The following ADGRV1 variants were observed in gnomAD, a reference collection of about 807,000 sequenced individuals.
The protein encoded by ADGRV1 is adhesion G protein-coupled receptor V1.
ADGRV1 carries 359 observed loss-of-function variants against 596.2 expected under a neutral mutation model. The observed-to-expected ratio is 0.60, with a 90% confidence interval of 0.55 to 0.66. ADGRV1 has a LOEUF of 0.66. Ranked by LOEUF, ADGRV1 falls within the 30% of genes least tolerant of loss-of-function variation. The pLI is 0.00. For missense variants in ADGRV1, 7,274 were observed against 7,575.6 expected (o/e 0.96, Z 1.48); for synonymous variants, 2,681 against 2,679.2 (o/e 1.00, Z -0.02).
At chr5:90,909,757 GCAAGATGATC>G (rs545905925) in intron 83 of ADGRV1, among the ~76,000 whole-genome samples, 19 of 152,216 alleles carry the variant, frequency 1.2e-4, no homozygotes, top group Non-Finnish European at 2.5e-4. Context: ...TCAAAAGTAG[GCAAGATGATC>G]CATGGGGTAT....
At chr5:90,595,160 G>A (rs1366208932) in intron 1 of ADGRV1, among the ~76,000 whole-genome samples, 1 of 106,266 alleles carries the variant, frequency 9.4e-6, no homozygotes, top group African/African-American at 4.2e-5. Context: ...GCCGGGTGGG[G>A]GGCTGACCCC....
intron 87 of ADGRV1, among the ~76,000 whole-genome samples, chr5:91,130,487 A>C (rs887990535): frequency 7.6e-6 from 1 of 131,132 alleles, no homozygotes; most frequent in Non-Finnish European, 1.5e-5. Flanking sequence ...GTGCCATTGC[A>C]CTCCAGCCTG....
intron 86 of ADGRV1, among the ~76,000 whole-genome samples, chr5:91,090,907 G>C (rs188388052): frequency 6.6e-6 from 1 of 152,074 alleles, no homozygotes; most frequent in East Asian, 1.9e-4. Flanking sequence ...GGATGGGATA[G>C]GATAGGATAG....
chr5:91,150,284 T>G, intron 88 of ADGRV1, 63 bp downstream of exon 88: 2 of 1,254,684 alleles, frequency 1.6e-6, no homozygotes, highest in Non-Finnish European at 1.1e-6. Context: ...TCTCTCTGTC[T>G]GTCTCTCTCT....
At chr5:90,606,225 T>C (rs1762094497) in intron 1 of ADGRV1, among the ~76,000 whole-genome samples, 2 of 152,240 alleles carry the variant, frequency 1.3e-5, no homozygotes, top group Admixed American at 6.5e-5. Flanking sequence ...TGTCTGAATC[T>C]GACAAAACTA....
chr5:90,993,732 C>T (rs998539500), intron 85 of ADGRV1, among the ~76,000 whole-genome samples: 3 of 151,656 alleles, frequency 2.0e-5, no homozygotes, highest in African/African-American at 7.3e-5. Context: ...GTGGGTCTCT[C>T]GGAGTGGAGT....
intron 85 of ADGRV1, among the ~76,000 whole-genome samples, chr5:91,002,227 T>C (rs1781909823): frequency 6.6e-6 from 1 of 152,216 alleles, no homozygotes; most frequent in African/African-American, 2.4e-5. Flanking sequence ...AATTTTTCAA[T>C]CTTACACAGT....
intron 1 of ADGRV1, 118 bp downstream of exon 1, chr5:90,559,035 C>G (rs1754445862): frequency 3.3e-6 from 3 of 899,458 alleles, no homozygotes; most frequent in Non-Finnish European, 4.7e-6. Context: ...CGGGCCACAG[C>G]CGGGCCCAGG....
chr5:90,613,762 C>T (rs1762999572), intron 1 of ADGRV1, among the ~76,000 whole-genome samples: 1 of 152,094 alleles, frequency 6.6e-6, no homozygotes, highest in Non-Finnish European at 1.5e-5. Flanking sequence ...GAACATTGCA[C>T]TTAAATCCTA....
At chr5:90,881,992 A>G (rs1256861842) in intron 83 of ADGRV1, among the ~76,000 whole-genome samples, 2 of 152,178 alleles carry the variant, frequency 1.3e-5, no homozygotes, top group African/African-American at 4.8e-5. Flanking sequence ...TTACAGGTGT[A>G]AGCCACTGCA....
At chr5:90,948,925 C>A (rs868615484) in intron 83 of ADGRV1, among the ~76,000 whole-genome samples, 1 of 151,840 alleles carries the variant, frequency 6.6e-6, no homozygotes, top group African/African-American at 2.4e-5. Context: ...TCGGGGCCGT[C>A]TGTGTATAAA....
At chr5:90,934,933 T>G (rs568532991) in intron 83 of ADGRV1, among the ~76,000 whole-genome samples, 6 of 152,170 alleles carry the variant, frequency 3.9e-5, no homozygotes, top group Non-Finnish European at 8.8e-5. Context: ...ACTAATCCCA[T>G]GATGAGGGCC....
chr5:90,652,299 T>G (rs1438249613), intron 18 of ADGRV1, 47 bp from the exon 19 acceptor site: 2 of 1,309,810 alleles, frequency 1.5e-6, no homozygotes, highest in Non-Finnish European at 2.1e-6. Flanking sequence ...AAGCTCTCAT[T>G]AGAGTAAGAT....
In ADGRV1 at chr5:90,711,220, G is replaced by A. The variant is rs1230815709; in HGVS notation, c.8940G>A (p.Leu2980=). Residue 2980 remains leucine, a synonymous_variant, in exon 41 of 90, where the codon TTG becomes TTA. Transcript: ENST00000405460. The part of the protein sequence containing the change: ...EVNETHGSLT[L]VAQRSREPLG... ...ATGAAACCCATGGAAGTTTAACATT[G>A]GTAGCCCAGAGGAGCAGAGAACCTC... is the stretch of plus-strand genomic sequence containing the variant. 6.2e-7 allele frequency: 1 copy of A among 1,612,816 alleles called. No individual in the cohort carries two copies.
rs900499770 is a variant in ADGRV1 at position 90,712,399 on chromosome 5, C to T, written c.9155C>T (p.Pro3052Leu). 5.0e-6 allele frequency: 8 copies of T among 1,590,754 alleles called. No homozygotes were observed. In the South Asian group the frequency reaches 6.8e-5, roughly 14 times the overall value. ...CAGCTGATTTTAACAAATCCTTCTC[C>T]TGGACTAGAGCTAGGGAAAAATACA... The part of the protein sequence containing the change: ...KFQLILTNPS[P>L]GLELGKNTIA... Residue 3052 changes from proline to leucine, a missense_variant, in exon 42 of 90, where the codon CCT (proline) becomes CTT (leucine). Transcript: ENST00000405460.
chr5:90,592,167 G>A (rs1366410282), intron 1 of ADGRV1, among the ~76,000 whole-genome samples: 3 of 152,318 alleles, frequency 2.0e-5, no homozygotes, highest in East Asian at 1.9e-4. Context: ...TTGCACATGC[G>A]TGTTTATAGC....
rs1178211672 is a variant in ADGRV1, at chr5:91,020,075, G to A, written c.18152+34553G>A. On this transcript the variant is annotated intron_variant, in intron 85 of 89. Coordinates refer to ENST00000405460, the MANE Select transcript of ADGRV1 (RefSeq NM_032119.4). ...AGTGTTTCTAACTTTAATTTTTAAG[G>A]CTTATAGTTACGGCATATTGGCTAT... Among the ~76,000 whole-genome samples the A allele has an allele frequency of 3.7e-5, 5 of 136,200 alleles. No homozygotes were observed. In the East Asian group the frequency reaches 7.2e-4, roughly 19 times the overall value. 89.4% of individuals were successfully genotyped at this position (136,200 alleles called of 152,430 possible).
At chr5:90,588,699 G>A (rs920309004) in intron 1 of ADGRV1, among the ~76,000 whole-genome samples, 10 of 152,192 alleles carry the variant, frequency 6.6e-5, no homozygotes, top group Non-Finnish European at 1.5e-4. Context: ...AACTGACCAT[G>A]TGCCCTCCCA....
intron 87 of ADGRV1, among the ~76,000 whole-genome samples, chr5:91,111,091 G>C (rs1464681209): frequency 6.6e-6 from 1 of 152,050 alleles, no homozygotes; most frequent in Non-Finnish European, 1.5e-5. Context: ...TAAATGGTTG[G>C]GAAATAAGTG....
Sources: allele counts gnomAD v4.1 joint callset (sites outside exome capture counted in the v4.1 genomes callset), GRCh38; gene constraint gnomAD v4.1.1; transcripts MANE v1.5; gene names NCBI Gene and HGNC (gene_info 2026-07-23, HGNC 2026-07-21).